ELMO1: variants seen among roughly 807,000 people sequenced by gnomAD.
The protein encoded by ELMO1 is engulfment and cell motility protein 1.
A neutral mutation model predicts 98.9 loss-of-function variants in ELMO1; 26 were observed. The ratio of observed to expected loss-of-function variants is 0.26; its 90% CI spans 0.19 to 0.36. The LOEUF is 0.36. Ranked by LOEUF, ELMO1 falls within the 10% of genes least tolerant of loss-of-function variation. The pLI is 1.00. For synonymous variants in ELMO1, 346 were observed against 346.0 expected, an observed-to-expected ratio of 1.00 and a Z score of 0.00; for missense variants, 627 against 935.2, an observed-to-expected ratio of 0.67 and a Z score of 4.30.
chr7:37,141,172 A>T (rs964352081), intron 13 of ELMO1, among the ~76,000 whole-genome samples: 1 of 152,266 alleles, frequency 6.6e-6, no homozygotes. Flanking sequence ...AAAACGTGGC[A>T]TATTTATATA....
intron 16 of ELMO1, among the ~76,000 whole-genome samples, chr7:36,978,336 G>C (rs560252864): frequency 6.6e-6 from 1 of 151,104 alleles, no homozygotes; most frequent in South Asian, 2.1e-4. Context: ...CAAGATCTAG[G>C]ATGCTATAAG....
At chr7:37,088,864 GA>G (rs1312626041) in intron 15 of ELMO1, among the ~76,000 whole-genome samples, 1 of 152,132 alleles carries the variant, frequency 6.6e-6, no homozygotes, top group Admixed American at 6.5e-5. Context: ...TTAGGCTTTA[GA>G]ACATTTGTTT....
intron 1 of ELMO1, among the ~76,000 whole-genome samples, chr7:37,440,055 G>T (rs1278735416): frequency 6.6e-6 from 1 of 151,798 alleles, no homozygotes. Flanking sequence ...ATATATCAAA[G>T]AATCGGTCCC....
chr7:37,119,516 A>G (rs1785852333), intron 14 of ELMO1, among the ~76,000 whole-genome samples: 1 of 152,172 alleles, frequency 6.6e-6, no homozygotes, highest in South Asian at 2.1e-4. Flanking sequence ...TGTAAGTATG[A>G]TGTAATATGC....
chr7:37,141,702 T>C (rs1787654823), intron 13 of ELMO1, among the ~76,000 whole-genome samples: 1 of 152,216 alleles, frequency 6.6e-6, no homozygotes, highest in African/African-American at 2.4e-5. Flanking sequence ...TTTCATTTTG[T>C]CCCTGGATAA....
chr7:37,302,292 G>C (rs1193490336), intron 4 of ELMO1, among the ~76,000 whole-genome samples: 1 of 152,174 alleles, frequency 6.6e-6, no homozygotes, highest in Non-Finnish European at 1.5e-5. Flanking sequence ...CATGCACCAG[G>C]CTATGTCTCA....
At chr7:37,331,781 G>GA (rs546457757) in intron 2 of ELMO1, among the ~76,000 whole-genome samples, 20 of 151,910 alleles carry the variant, frequency 1.3e-4, no homozygotes, top group South Asian at 6.2e-4. Context: ...AGATGAGGGA[G>GA]AAAAAAAGAG....
chr7:37,425,291 T>C (rs550578851), intron 1 of ELMO1, among the ~76,000 whole-genome samples: 11 of 152,334 alleles, frequency 7.2e-5, no homozygotes, highest in Admixed American at 2.6e-4. Flanking sequence ...GAGAGCTCTC[T>C]TGGGTCCTTT....
chr7:37,390,659 A>C (rs1803029118), intron 1 of ELMO1, among the ~76,000 whole-genome samples: 1 of 152,224 alleles, frequency 6.6e-6, no homozygotes, highest in Non-Finnish European at 1.5e-5. Context: ...AACAGATATC[A>C]AAGACTAATG....
At chr7:37,114,800 T>G (rs878888510) in intron 14 of ELMO1, among the ~76,000 whole-genome samples, 12 of 151,634 alleles carry the variant, frequency 7.9e-5, no homozygotes, top group Admixed American at 7.2e-4. Context: ...GAAAGCAATA[T>G]AGAAAAATCA....
At chr7:36,916,981 G>T (rs934070061) in intron 16 of ELMO1, among the ~76,000 whole-genome samples, 1 of 152,216 alleles carries the variant, frequency 6.6e-6, no homozygotes, top group South Asian at 2.1e-4. Flanking sequence ...AATGTGATTT[G>T]AGATACTTTG....
chr7:37,259,657 C>T (rs958689861), intron 5 of ELMO1, among the ~76,000 whole-genome samples: 4 of 152,044 alleles, frequency 2.6e-5, no homozygotes, highest in African/African-American at 9.7e-5. Flanking sequence ...GAACAGGATG[C>T]GGCAGAAAGG....
rs118136833 is a variant in ELMO1, at chr7:37,246,809, T to C, written c.414-2418A>G. ...ATAGATAAACAGACAGATAGATAGA[T>C]AGATATCTATCTATATATATATCTG... On this transcript the variant is annotated intron_variant, in intron 6 of 21. Coordinates refer to ENST00000310758, the MANE Select transcript of ELMO1 (RefSeq NM_014800.11). 3.2e-3 allele frequency among the ~76,000 whole-genome samples: 488 copies of C among 152,064 alleles called. 1 individual carries two copies. The highest frequency in any genetic ancestry group is 6.1e-3 in the Non-Finnish European group (414 of 67,962).
rs10684681 is a variant in ELMO1 at position 37,188,455 on chromosome 7, AAC to A, written c.1086+22929_1086+22930del. Among the ~76,000 whole-genome samples the A allele has an allele frequency of 2.1e-3, 227 of 110,448 alleles. 2 individuals carry two copies. Among genetic ancestry groups the A allele is most frequent in the Non-Finnish European group, 2.8e-3 (153 of 55,472 alleles). 72.5% of individuals were successfully genotyped at this position (110,448 alleles called of 152,430 possible). The stretch of plus-strand genomic sequence containing the variant: ...ACACACACACACACACACACACGCA[AAC>A]ACACACACACACAGGCCACTGGAGA... On this transcript the variant is annotated intron_variant, in intron 13 of 21. Coordinates refer to ENST00000310758, the MANE Select transcript of ELMO1 (RefSeq NM_014800.11).
At chr7:37,062,359 T>C (rs774290123) in intron 15 of ELMO1, among the ~76,000 whole-genome samples, 7 of 152,216 alleles carry the variant, frequency 4.6e-5, no homozygotes, top group South Asian at 2.1e-4. Context: ...ATAAATGCTA[T>C]GAGGATGAAC....
chr7:36,931,285 T>G lies in ELMO1; in HGVS notation c.1438-36268A>C, dbSNP rs557772607. Among the ~76,000 whole-genome samples, 258 of 152,330 alleles carry G rather than the reference T, an allele frequency of 1.7e-3. 3 individuals carry two copies. The highest frequency in any genetic ancestry group is 1.7e-3 in the Non-Finnish European group (114 of 68,036). On this transcript the variant is annotated intron_variant, in intron 16 of 21. Transcript: ENST00000310758. ...TCCTGTGGTGTAAGAACTTGTGGCCTTAAATAAAACTCTTCTTAAGACCTC... is the reference window on the plus strand; with the variant it reads ...TCCTGTGGTGTAAGAACTTGTGGCCGTAAATAAAACTCTTCTTAAGACCTC...
intron 15 of ELMO1, among the ~76,000 whole-genome samples, chr7:37,043,647 C>A (rs965812317): frequency 3.9e-5 from 6 of 152,190 alleles, no homozygotes; most frequent in African/African-American, 1.4e-4. Flanking sequence ...GGGCCTATCC[C>A]AGACGAATTA....
At chr7:37,096,467 G>A (rs1784368331) in intron 15 of ELMO1, 152 bp downstream of exon 15, 2 of 632,692 alleles carry the variant, frequency 3.2e-6, no homozygotes, top group Non-Finnish European at 5.5e-6. Flanking sequence ...TATGTATGCT[G>A]TAAACCTGAG....
chr7:36,933,184 G>A (rs1786197209), intron 16 of ELMO1, among the ~76,000 whole-genome samples: 1 of 152,176 alleles, frequency 6.6e-6, no homozygotes. Context: ...AAGACTATGA[G>A]ACTCCAGGCT....
Sources: allele counts gnomAD v4.1 joint callset (sites outside exome capture counted in the v4.1 genomes callset), GRCh38; gene constraint gnomAD v4.1.1; transcripts MANE v1.5; gene names NCBI Gene and HGNC (gene_info 2026-07-23, HGNC 2026-07-21).